The following CHN1 variants were observed in gnomAD, a reference collection of about 807,000 sequenced individuals.
The protein encoded by CHN1 is chimerin 1, also known as N-chimaerin.
CHN1 carries 37 observed loss-of-function variants against 59.5 expected under a neutral mutation model. That is an observed-to-expected ratio of 0.62 (90% CI 0.48 to 0.82). The LOEUF is 0.82. Among genes scored for constraint, CHN1 ranks in the 40% least tolerant of loss-of-function variants. CHN1 has a pLI of 0.00. For missense variants in CHN1, 469 were observed against 571.0 expected, an observed-to-expected ratio of 0.82 and a Z score of 1.82; for synonymous variants, 206 against 200.4, an observed-to-expected ratio of 1.03 and a Z score of -0.24.
intron 7 of CHN1, among the ~76,000 whole-genome samples, chr2:174,827,228 T>C (rs1469596940): frequency 6.6e-6 from 1 of 152,234 alleles, no homozygotes; most frequent in Admixed American, 6.5e-5. Context: ...CTAAAGGTCA[T>C]CAAAACAAAT....
chr2:174,839,684 G>A (rs1197615048), intron 7 of CHN1, among the ~76,000 whole-genome samples: 2 of 151,310 alleles, frequency 1.3e-5, no homozygotes. Flanking sequence ...GCTCACAGCA[G>A]CCTCGATTTC....
At chr2:174,901,082 G>A (rs150186162) in intron 5 of CHN1, among the ~76,000 whole-genome samples, 1 of 152,158 alleles carries the variant, frequency 6.6e-6, no homozygotes, top group Admixed American at 6.5e-5. Context: ...TTTCTTGTGT[G>A]CATCCACTAT....
intron 7 of CHN1, among the ~76,000 whole-genome samples, chr2:174,826,311 A>T (rs749282592): frequency 1.3e-5 from 2 of 152,214 alleles, no homozygotes; most frequent in Admixed American, 1.3e-4. Flanking sequence ...AGAGTGAATA[A>T]AACTGGATAA....
chr2:174,850,829 G>A (rs906466836), intron 6 of CHN1, among the ~76,000 whole-genome samples: 4 of 152,214 alleles, frequency 2.6e-5, no homozygotes, highest in Admixed American at 6.5e-5. Flanking sequence ...GAAGTGGAAA[G>A]TGGCAAGAAA....
At chr2:174,929,869 T>G (rs925801875) in intron 3 of CHN1, among the ~76,000 whole-genome samples, 1 of 152,216 alleles carries the variant, frequency 6.6e-6, no homozygotes, top group Non-Finnish European at 1.5e-5. Flanking sequence ...TGCATCTACA[T>G]TAGGATATTA....
At chr2:174,949,019 T>A (rs1689936065) in intron 2 of CHN1, among the ~76,000 whole-genome samples, 1 of 152,190 alleles carries the variant, frequency 6.6e-6, no homozygotes, top group African/African-American at 2.4e-5. Context: ...CAATGCCTAC[T>A]ACCTCAGTTA....
At chr2:174,903,830 G>A (rs1478738048) in intron 5 of CHN1, among the ~76,000 whole-genome samples, 1 of 151,990 alleles carries the variant, frequency 6.6e-6, no homozygotes, top group African/African-American at 2.4e-5. Flanking sequence ...TGAGACTACG[G>A]GGGTGGAAAG....
rs1429660253 is a variant in CHN1, at chr2:174,846,929, A to G, written c.578T>C (p.Leu193Pro). 7 of 1,553,674 alleles carry G rather than the reference A, an allele frequency of 4.5e-6. No individual in the cohort carries two copies. The highest frequency in any genetic ancestry group is 6.1e-6 in the Non-Finnish European group (7 of 1,147,712). Reference protein sequence around the residue: ...RLTSLVRRATLKENEQIPKYE... With the variant: ...RLTSLVRRATPKENEQIPKYE... ...TTTTGGAATTTGCTCGTTTTCTTTCAGAGTTGCTCTTCTAACAAGTGATGT... is the reference window on the plus strand; with the variant it reads ...TTTTGGAATTTGCTCGTTTTCTTTCGGAGTTGCTCTTCTAACAAGTGATGT... The change falls in exon 7 of 13, where the codon CTG (leucine) becomes CCG (proline). Residue 193 changes from leucine to proline, a missense_variant. Leu to Pro is a moderately conservative substitution (Grantham distance 98). Around this residue, in one of 5 missense-constraint regions of CHN1, gnomAD observed 81 missense variants for 71.7 expected, o/e 1.13. Transcript: ENST00000409900.
intron 1 of CHN1, among the ~76,000 whole-genome samples, chr2:174,952,953 T>G (rs2105414109): frequency 6.6e-6 from 1 of 152,332 alleles, no homozygotes; most frequent in African/African-American, 2.4e-5. Context: ...CAGTGTAGCT[T>G]CTGGCTACGC....
chr2:174,920,755 A>G (rs541478600), intron 3 of CHN1, among the ~76,000 whole-genome samples: 86 of 152,114 alleles, frequency 5.7e-4, no homozygotes, highest in Non-Finnish European at 1.0e-3. Flanking sequence ...GTGGAAGACA[A>G]TTTTTCCATG....
At position 174,980,876 on chromosome 2, in the gene CHN1, T is replaced by C. The variant is rs571744672; in HGVS notation, c.19+24018A>G. On this transcript the variant is annotated intron_variant, in intron 1 of 12. Transcript: ENST00000409900. ...AATTTTGAAGGAAAAACTCCAAAGA[T>C]AGTTTGCAACTAAACAGAAAATATG... is the stretch of plus-strand genomic sequence containing the variant. Among the ~76,000 whole-genome samples the C allele has an allele frequency of 3.3e-5, 5 of 152,304 alleles. No homozygotes were observed. The South Asian group carries it at 6.2e-4, about 19-fold the overall frequency.
At chr2:174,847,058 C>T (rs1386188654) in intron 6 of CHN1, 101 bp from the exon 7 acceptor site, 15 of 1,551,536 alleles carry the variant, frequency 9.7e-6, no homozygotes, top group Middle Eastern at 1.7e-4. Context: ...ATCTTGCTGA[C>T]GGCCCTCTTG....
intron 7 of CHN1, among the ~76,000 whole-genome samples, chr2:174,845,633 ATTTAG>A (rs776317624): frequency 6.6e-6 from 1 of 152,248 alleles, no homozygotes; most frequent in East Asian, 1.9e-4. Flanking sequence ...AGAAAACGTT[ATTTAG>A]TTTATTTTAA....
intron 5 of CHN1, among the ~76,000 whole-genome samples, chr2:174,912,380 T>C (rs909659427): frequency 6.6e-6 from 1 of 152,196 alleles, no homozygotes; most frequent in African/African-American, 2.4e-5. Flanking sequence ...GTTTCTGTCT[T>C]ATGGAATTGA....
intron 8 of CHN1, among the ~76,000 whole-genome samples, chr2:174,819,206 ACG>A (rs912309039): frequency 8.5e-5 from 13 of 152,214 alleles, no homozygotes; most frequent in African/African-American, 3.1e-4. Flanking sequence ...ACAAGGACAA[ACG>A]CAACTCTTTA....
intron 1 of CHN1, among the ~76,000 whole-genome samples, chr2:174,953,182 C>T (rs372342822): frequency 3.3e-5 from 5 of 150,932 alleles, no homozygotes; most frequent in Non-Finnish European, 7.4e-5. Context: ...AAAAAAAAAT[C>T]CCTGGAAAGT....
chr2:174,859,791 T>G (rs960801585), intron 6 of CHN1, among the ~76,000 whole-genome samples: 7 of 152,102 alleles, frequency 4.6e-5, no homozygotes, highest in Non-Finnish European at 5.9e-5. Context: ...ACAGGCTGAC[T>G]CTTAACCCTA....
chr2:174,848,253 G>A (rs190266297), intron 6 of CHN1, among the ~76,000 whole-genome samples: 4 of 152,224 alleles, frequency 2.6e-5, no homozygotes, highest in Admixed American at 2.0e-4. Flanking sequence ...CCAGGTCATA[G>A]TGGAAGCCAG....
intron 5 of CHN1, among the ~76,000 whole-genome samples, chr2:174,898,438 GA>G (rs34869691): frequency 0.037 from 4,794 of 130,716 alleles, 273 homozygotes; most frequent in African/African-American, 0.12. Context: ...CGTCTCTACT[GA>G]AAAAAAAAAA....
Sources: gnomAD v4.1 joint callset for allele counts (sites outside exome capture counted in the v4.1 genomes callset) on GRCh38, gnomAD v4.1.1 for gene constraint, gnomAD v4.1.1 regional missense constraint, MANE v1.5 for transcripts, NCBI Gene and HGNC (gene_info 2026-07-23, HGNC 2026-07-21) for gene names.